Variants in CRYZ observed in about 807,000 individuals in gnomAD.
The protein encoded by CRYZ is zeta-crystallin.
A neutral mutation model predicts 34.1 loss-of-function variants in CRYZ; 35 were observed. The ratio of observed to expected loss-of-function variants is 1.03; its 90% CI spans 0.78 to 1.36. The LOEUF (loss-of-function observed/expected upper bound fraction) is 1.36. Ranked by LOEUF, CRYZ falls within the 40% of genes most tolerant of loss-of-function variation. The pLI, the probability that CRYZ is intolerant of heterozygous loss-of-function variation, is 0.00. For synonymous variants in CRYZ, 137 were observed against 136.5 expected, an observed-to-expected ratio of 1.00 and a Z score of -0.03; for missense variants, 403 against 391.8, an observed-to-expected ratio of 1.03 and a Z score of -0.24.
chr1:74,721,222 A>C (rs1647157962), intron 3 of CRYZ, among the ~76,000 whole-genome samples: 1 of 152,198 alleles, frequency 6.6e-6, no homozygotes, highest in African/African-American at 2.4e-5. Flanking sequence ...TAAAGTGTAA[A>C]ATCCTTTGAA....
intron 4 of CRYZ, 126 bp from the exon 5 acceptor site, chr1:74,714,756 C>T: frequency 1.2e-6 from 1 of 800,052 alleles, no homozygotes; most frequent in South Asian, 1.6e-5. Context: ...CAAATGCAAC[C>T]TGACATACAG....
At chr1:74,720,838 C>T (rs1252964003) in intron 3 of CRYZ, among the ~76,000 whole-genome samples, 2 of 152,074 alleles carry the variant, frequency 1.3e-5, no homozygotes, top group East Asian at 3.9e-4. Flanking sequence ...ATCAATACCA[C>T]TGTCCCTAAC....
chr1:74,716,188 C>CTGTG (rs143357419), intron 4 of CRYZ, among the ~76,000 whole-genome samples: 85 of 151,334 alleles, frequency 5.6e-4, no homozygotes, highest in African/African-American at 2.0e-3. Flanking sequence ...ATCAATCAAT[C>CTGTG]TGTGTGCGCG....
rs1387918236 is a variant in CRYZ at position 74,706,261 on chromosome 1, CT to C, written c.*34del. ...TACAACTGGGGGAAAGACAGTACCT[CT>C]AATTACATAGGAAATCCATGAAAGA... On this transcript the variant is annotated 3_prime_UTR_variant, in exon 9 of 9. Transcript: ENST00000340866. The C allele has an allele frequency of 6.4e-7, 1 of 1,552,172 alleles. No individual in the cohort carries two copies. Among genetic ancestry groups the C allele is most frequent in the Non-Finnish European group, 8.7e-7 (1 of 1,145,490 alleles).
chr1:74,729,718 T>C (rs1365027394), intron 1 of CRYZ, among the ~76,000 whole-genome samples: 1 of 152,056 alleles, frequency 6.6e-6, no homozygotes, highest in South Asian at 2.1e-4. Flanking sequence ...TCTATAGTTC[T>C]ATAATCATCT....
At chr1:74,730,592 T>C (rs1021135287) in intron 1 of CRYZ, among the ~76,000 whole-genome samples, 2 of 152,234 alleles carry the variant, frequency 1.3e-5, no homozygotes, top group African/African-American at 2.4e-5. Flanking sequence ...TATTATTTTA[T>C]GCAGAAGTAA....
At chr1:74,716,637 A>G (rs1647079301) in intron 4 of CRYZ, among the ~76,000 whole-genome samples, 5 of 152,262 alleles carry the variant, frequency 3.3e-5, no homozygotes, top group South Asian at 4.1e-4. Context: ...CCAATAACCA[A>G]TATTATGACA....
rs1201247555 is a variant in CRYZ, at chr1:74,723,237, G to A, written c.145C>T (p.Pro49Ser). 4 of 1,613,640 alleles carry A rather than the reference G, an allele frequency of 2.5e-6. No individual in the cohort carries two copies. The East Asian group carries it at 6.7e-5, about 27-fold the overall frequency. ...LIKVHACGVN[P>S]VETYIRSGTY... ...CCAGAGCGAATGTATGTCTCCACGG[G>A]GTTGACACCACATGCATGGACCTTG... The change falls in exon 3 of 9, where the codon CCC becomes TCC. Residue 49 changes from proline (P) to serine (S), a missense_variant. Transcript: ENST00000340866.
rs748253759 is a variant in CRYZ at position 74,724,817 on chromosome 1, G to T, written c.5C>A (p.Ala2Glu). The T allele has an allele frequency of 6.2e-7, 1 of 1,601,114 alleles. No individual in the cohort carries two copies. Among genetic ancestry groups the T allele is most frequent in the Non-Finnish European group, 8.5e-7 (1 of 1,171,638 alleles). Residue 2 changes from alanine (A) to glutamate (E), a missense_variant, in exon 2 of 9, where the codon GCG becomes GAG. By Grantham distance (107) the Ala-to-Glu change is moderately radical. Transcript: ENST00000340866. ...AGCTCTCATCAACTTCTGTCCAGTC[G>T]CCATGGTGATCTAGATACTAAGGAA... is the stretch of plus-strand genomic sequence containing the variant. Reference protein sequence around the residue: MATGQKLMRAVR... With the variant: METGQKLMRAVR...
Position 74,727,458 on chromosome 1 carries a change from CAAAAAAAAA to C in CRYZ, c.-13-2633_-13-2625del, listed in dbSNP as rs3041452. 4.3e-3 allele frequency among the ~76,000 whole-genome samples: 310 copies of C among 71,880 alleles called. 4 individuals are homozygous for C. Among genetic ancestry groups the C allele is most frequent in the African/African-American group, 0.015 (268 of 17,562 alleles). 47.2% of individuals were successfully genotyped at this position (71,880 alleles called of 152,430 possible). A position where few individuals can be genotyped will look rare whatever the true frequency, so the allele number is the denominator to read the frequency against. On this transcript the variant is annotated intron_variant, in intron 1 of 8. Coordinates refer to ENST00000340866, the MANE Select transcript of CRYZ (RefSeq NM_001889.4). ...GAAACCCCATCTCTACTAAAAAATA[CAAAAAAAAA>C]AAAAAAAAAAAAAAATTAGCCGGGC...
intron 5 of CRYZ, 78 bp downstream of exon 5, chr1:74,714,501 T>TA: frequency 7.2e-7 from 1 of 1,392,460 alleles, no homozygotes; most frequent in Non-Finnish European, 1.0e-6. Flanking sequence ...ATCTGACTTT[T>TA]AAAAATGACC....
chr1:74,718,144 T>C (rs886091473), intron 4 of CRYZ, among the ~76,000 whole-genome samples: 3 of 152,096 alleles, frequency 2.0e-5, no homozygotes, highest in African/African-American at 7.2e-5. Context: ...GCTGGACTAC[T>C]CTTAAGTTCT....
At chr1:74,710,374 A>T in intron 5 of CRYZ, 127 bp from the exon 6 acceptor site, 1 of 761,528 alleles carries the variant, frequency 1.3e-6, no homozygotes, top group Non-Finnish European at 2.0e-6. Flanking sequence ...AGTGTAAATG[A>T]AGAAATAAGA....
At chr1:74,722,976 T>C (rs1647191219) in intron 3 of CRYZ, 142 bp downstream of exon 3, 1 of 737,248 alleles carries the variant, frequency 1.4e-6, no homozygotes, top group East Asian at 2.7e-5. Context: ...TAATTCCTTT[T>C]TTGACTAGAG....
At chr1:74,708,309 T>C (rs1466162569) in intron 6 of CRYZ, 1 of 152,142 alleles carries the variant, frequency 6.6e-6, no homozygotes, top group African/African-American at 2.4e-5. Context: ...TTTGTAGTTG[T>C]TTTGTTTTGT....
Position 74,720,338 on chromosome 1 carries a change from G to C in CRYZ, c.265-966C>G, listed in dbSNP as rs1282047332. ...GATGACCCAGGACAGCCTTCTTCTT[G>C]TCACGGCACCAGAAACACAGTAAAG... On this transcript the variant is annotated intron_variant, in intron 3 of 8. Transcript: ENST00000340866. Among the ~76,000 whole-genome samples, 3 of 152,170 alleles carry C rather than the reference G, an allele frequency of 2.0e-5. No individual in the cohort carries two copies. In the East Asian group the frequency reaches 5.8e-4, roughly 29 times the overall value.
chr1:74,706,895 C>CT lies in CRYZ; in HGVS notation c.828+3dup, dbSNP rs1407695430. ...ACCAAAATCAGAAGTACTTCTTTTC[C>CT]TACCTTGGTTGAGGAAAAGAGAGTA... On this transcript the variant is annotated splice_donor_region_variant and intron_variant, in intron 8 of 8. Coordinates refer to ENST00000340866, the MANE Select transcript of CRYZ (RefSeq NM_001889.4). 6.2e-7 allele frequency: 1 copy of CT among 1,610,484 alleles called. No individual in the cohort carries two copies. Among genetic ancestry groups the CT allele is most frequent in the Admixed American group, 1.7e-5 (1 of 59,748 alleles).
rs539874084 is a variant in CRYZ at position 74,714,694 on chromosome 1, C to A, written c.429-64G>T. 5.7e-6 allele frequency: 9 copies of A among 1,566,804 alleles called. No homozygotes were observed. In the South Asian group the frequency reaches 1.0e-4, roughly 18 times the overall value. ...GAAGCTAATTAATCTCGGGTGTTTT[C>A]ATCATCTTAAGGAATTTCTACCCCT... On this transcript the variant is annotated intron_variant, in intron 4 of 8. Coordinates refer to ENST00000340866, the MANE Select transcript of CRYZ (RefSeq NM_001889.4).
At chr1:74,728,510 C>G (rs895743546) in intron 1 of CRYZ, among the ~76,000 whole-genome samples, 10 of 152,172 alleles carry the variant, frequency 6.6e-5, no homozygotes, top group African/African-American at 2.2e-4. Context: ...ACATCTGCCT[C>G]AACCACAAGA....
Sources: allele counts gnomAD v4.1 joint callset (sites outside exome capture counted in the v4.1 genomes callset), GRCh38; gene constraint gnomAD v4.1.1; transcripts MANE v1.5; gene names NCBI Gene and HGNC (gene_info 2026-07-23, HGNC 2026-07-21).